The following GRIK2 variants were observed in gnomAD, a reference collection of about 807,000 sequenced individuals.
The protein encoded by GRIK2 is glutamate ionotropic receptor kainate type subunit 2.
In GRIK2, 32 loss-of-function variants were observed where a neutral mutation model predicts 100.3. The observed-to-expected ratio is 0.32, with a 90% CI of 0.24 to 0.43. The LOEUF (loss-of-function observed/expected upper bound fraction) is 0.43, where lower values mean the gene tolerates loss of function less well. Ranked by LOEUF, GRIK2 falls within the 20% of genes least tolerant of loss-of-function variation. The pLI, the probability that GRIK2 is intolerant of heterozygous loss-of-function variation, is 1.00. For synonymous variants in GRIK2, 417 were observed against 389.4 expected, an observed-to-expected ratio of 1.07 and a Z score of -0.83; for missense variants, 843 against 1,114.9, an observed-to-expected ratio of 0.76 and a Z score of 3.47.
intron 10 of GRIK2, among the ~76,000 whole-genome samples, chr6:101,836,144 C>A (rs1014195174): frequency 6.6e-6 from 1 of 151,766 alleles, no homozygotes; most frequent in Non-Finnish European, 1.5e-5. Flanking sequence ...GATTCTTAAC[C>A]TTTTGTATGT....
chr6:101,760,017 C>T (rs1583089692), intron 7 of GRIK2, among the ~76,000 whole-genome samples: 1 of 134,580 alleles, frequency 7.4e-6, no homozygotes, highest in East Asian at 2.8e-4. Flanking sequence ...CTACAGGCGC[C>T]CGCCACCGCG....
chr6:101,552,635 T>C (rs1294839845), intron 2 of GRIK2, among the ~76,000 whole-genome samples: 1 of 152,200 alleles, frequency 6.6e-6, no homozygotes, highest in Non-Finnish European at 1.5e-5. Context: ...TTTAGCTTTG[T>C]TGGTCTTTGA....
intron 12 of GRIK2, among the ~76,000 whole-genome samples, chr6:101,912,018 AGAAGCTTTAGT>A (rs1788727066): frequency 6.7e-6 from 1 of 150,134 alleles, no homozygotes; most frequent in South Asian, 2.1e-4. Flanking sequence ...AATTCTAGAA[AGAAGCTTTAGT>A]GATTACCAGG....
Position 102,068,390 on chromosome 6 carries a change from T to C in GRIK2, c.2606T>C (p.Leu869Pro), listed in dbSNP as rs755087464. The change falls in exon 17 of 17, where the codon CTG (leucine) becomes CCG (proline). Residue 869 changes from leucine to proline, a missense_variant. Coordinates refer to ENST00000369134, the MANE Select transcript of GRIK2 (RefSeq NM_021956.5). ...ATGGTAGAAGAATTGAGGATGTCCC[T>C]GAAGTGCCAGCGTCGGTTAAAACAT... Reference protein sequence around the residue: ...SAMVEELRMSLKCQRRLKHKP... With the variant: ...SAMVEELRMSPKCQRRLKHKP... 1 of 1,612,066 alleles carries C rather than the reference T, an allele frequency of 6.2e-7. No homozygotes were observed. The highest frequency in any genetic ancestry group is 8.5e-7 in the Non-Finnish European group (1 of 1,178,564).
chr6:101,549,282 A>AG (rs1776397175), intron 2 of GRIK2, among the ~76,000 whole-genome samples: 1 of 151,506 alleles, frequency 6.6e-6, no homozygotes, highest in Admixed American at 6.6e-5. Context: ...ACTGAAAAAA[A>AG]AAAAAAAGAT....
At chr6:101,528,212 A>G (rs1775248441) in intron 2 of GRIK2, among the ~76,000 whole-genome samples, 2 of 152,214 alleles carry the variant, frequency 1.3e-5, no homozygotes, top group Admixed American at 1.3e-4. Flanking sequence ...TATTATCATT[A>G]CAGGTCCACA....
chr6:101,955,247 C>G (rs970729862), intron 14 of GRIK2, among the ~76,000 whole-genome samples: 2 of 151,920 alleles, frequency 1.3e-5, no homozygotes, highest in African/African-American at 4.8e-5. Context: ...GCCTCTTTTG[C>G]TTTTTGGAAT....
At chr6:101,792,903 A>G (rs548200714) in intron 7 of GRIK2, among the ~76,000 whole-genome samples, 3,849 of 151,778 alleles carry the variant, frequency 0.025, 169 homozygotes, top group African/African-American at 0.088. Context: ...GGCTTTGTTC[A>G]TTTCTTTTTA....
At chr6:101,879,008 C>T (rs1786062528) in intron 11 of GRIK2, among the ~76,000 whole-genome samples, 1 of 152,048 alleles carries the variant, frequency 6.6e-6, no homozygotes, top group South Asian at 2.1e-4. Flanking sequence ...TCCATATTTT[C>T]TCACTCAAGG....
chr6:101,962,169 C>T (rs1792346140), intron 14 of GRIK2, among the ~76,000 whole-genome samples: 1 of 152,066 alleles, frequency 6.6e-6, no homozygotes, highest in Non-Finnish European at 1.5e-5. Context: ...CAATCTCTGC[C>T]AGACTCTTGC....
chr6:101,825,664 T>C (rs1782275683), intron 10 of GRIK2, among the ~76,000 whole-genome samples: 1 of 152,106 alleles, frequency 6.6e-6, no homozygotes, highest in South Asian at 2.1e-4. Flanking sequence ...TACTATAAAA[T>C]TGACAATTTT....
chr6:101,689,609 AT>A (rs1430830747), intron 7 of GRIK2, among the ~76,000 whole-genome samples: 1 of 152,122 alleles, frequency 6.6e-6, no homozygotes, highest in East Asian at 1.9e-4. Context: ...ACTCAGTAAA[AT>A]TTTTAGTTTC....
chr6:101,771,781 T>G (rs1317743609), intron 7 of GRIK2, among the ~76,000 whole-genome samples: 3 of 144,828 alleles, frequency 2.1e-5, no homozygotes, highest in Admixed American at 6.9e-5. Flanking sequence ...GAACATGCGG[T>G]GTTTGGTTTT....
intron 5 of GRIK2, among the ~76,000 whole-genome samples, chr6:101,681,613 A>T (rs1405972827): frequency 6.6e-6 from 1 of 152,094 alleles, no homozygotes; most frequent in Admixed American, 6.6e-5. Flanking sequence ...ATTATTATTG[A>T]CTATAGTCAA....
intron 9 of GRIK2, among the ~76,000 whole-genome samples, chr6:101,804,720 G>A (rs118129955): frequency 0.041 from 6,296 of 152,008 alleles, 173 homozygotes; most frequent in Non-Finnish European, 0.057. Flanking sequence ...ATAAGGTACC[G>A]AGGATGGGTG....
chr6:101,793,170 G>A (rs1270646923), intron 7 of GRIK2, among the ~76,000 whole-genome samples: 3 of 152,190 alleles, frequency 2.0e-5, no homozygotes, highest in African/African-American at 2.4e-5. Context: ...CCTGTAGCTC[G>A]GAGTAGTTTG....
At chr6:101,982,333 G>C (rs992417520) in intron 14 of GRIK2, among the ~76,000 whole-genome samples, 4 of 151,762 alleles carry the variant, frequency 2.6e-5, no homozygotes, top group Non-Finnish European at 5.9e-5. Flanking sequence ...TAATTTTCTG[G>C]TAAAAATAAA....
chr6:101,747,279 G>T lies in GRIK2; in HGVS notation c.952-52369G>T, dbSNP rs568265973. Among the ~76,000 whole-genome samples, 181 of 152,238 alleles carry T rather than the reference G, an allele frequency of 1.2e-3. 1 individual carries two copies. Among genetic ancestry groups the T allele is most frequent in the African/African-American group, 4.2e-3 (174 of 41,542 alleles). ...TAGGATGTCATGAATTCTAAAAATG[G>T]TTTGCATGTGTATTATGATGGCATC... On this transcript the variant is annotated intron_variant, in intron 7 of 16. Transcript: ENST00000369134.
At chr6:101,712,014 A>G (rs1407130618) in intron 7 of GRIK2, among the ~76,000 whole-genome samples, 1 of 151,834 alleles carries the variant, frequency 6.6e-6, no homozygotes, top group Non-Finnish European at 1.5e-5. Context: ...GGTAAAATAG[A>G]AACTATAAAA....
Sources: allele counts gnomAD v4.1 joint callset (sites outside exome capture counted in the v4.1 genomes callset), GRCh38; gene constraint gnomAD v4.1.1; transcripts MANE v1.5; gene names NCBI Gene and HGNC (gene_info 2026-07-23, HGNC 2026-07-21).